PDE3B: variants seen among roughly 807,000 people sequenced by gnomAD.
PDE3B encodes cGMP-inhibited 3',5'-cyclic phosphodiesterase 3B.
In PDE3B, 66 loss-of-function variants were observed where a neutral mutation model predicts 116.8. The ratio of observed to expected loss-of-function variants is 0.56; its 90% CI spans 0.46 to 0.69. PDE3B has a LOEUF of 0.69. Among genes scored for constraint, PDE3B ranks in the 30% least tolerant of loss-of-function variants. PDE3B has a pLI of 0.00. For missense variants in PDE3B, 1,384 were observed against 1,368.1 expected, an observed-to-expected ratio of 1.01 and a Z score of -0.18; for synonymous variants, 595 against 533.6, an observed-to-expected ratio of 1.12 and a Z score of -1.59.
intron 12 of PDE3B, among the ~76,000 whole-genome samples, chr11:14,857,417 T>C (rs1186560604): frequency 6.6e-6 from 1 of 152,256 alleles, no homozygotes; most frequent in South Asian, 2.1e-4. Context: ...TGACATTTGC[T>C]TCCTACTTAC....
At chr11:14,831,957 A>G (rs921185292) in intron 9 of PDE3B, among the ~76,000 whole-genome samples, 180 bp downstream of exon 9, 2 of 152,108 alleles carry the variant, frequency 1.3e-5, no homozygotes, top group Non-Finnish European at 2.9e-5. Flanking sequence ...AGATCATACT[A>G]TTATATATAT....
At chr11:14,692,552 C>G (rs191843250) in intron 1 of PDE3B, among the ~76,000 whole-genome samples, 1 of 151,980 alleles carries the variant, frequency 6.6e-6, no homozygotes, top group Admixed American at 6.6e-5. Flanking sequence ...GTAATTCTTG[C>G]GAAAAATTTT....
At chr11:14,818,442 G>T (rs1312187173) in intron 6 of PDE3B, 49 bp downstream of exon 6, 2 of 1,270,634 alleles carry the variant, frequency 1.6e-6, no homozygotes, top group African/African-American at 2.9e-5. Flanking sequence ...GTTGATTACA[G>T]TTAAGTCCTC....
At chr11:14,880,463 A>C in the PDE3B span, 1 of 1,613,492 alleles carries the variant, frequency 6.2e-7, no homozygotes, top group Non-Finnish European at 8.5e-7. Context: ...AAGAAGACTG[A>C]GGCACTGGCA....
At chr11:14,803,141 G>A (rs1409089640) in intron 4 of PDE3B, among the ~76,000 whole-genome samples, 1 of 152,156 alleles carries the variant, frequency 6.6e-6, no homozygotes, top group Non-Finnish European at 1.5e-5. Context: ...TGTAGTCAGG[G>A]AAATCAAGGC....
At position 14,815,830 on chromosome 11, in the gene PDE3B, A is replaced by T. The variant is rs1337015895; in HGVS notation, c.1523-2353A>T. On this transcript the variant is annotated intron_variant, in intron 5 of 15. Transcript: ENST00000282096. ...AAAAAAACTATACAAATAGCATATA[A>T]ACATGAAATGTGCTTAACCTTATTA... Among the ~76,000 whole-genome samples the T allele has an allele frequency of 2.6e-5, 4 of 152,200 alleles. No homozygotes were observed. In the East Asian group the frequency reaches 7.7e-4, roughly 29 times the overall value.
chr11:14,684,988 C>G (rs1424371764), intron 1 of PDE3B, among the ~76,000 whole-genome samples: 2 of 152,020 alleles, frequency 1.3e-5, no homozygotes, highest in African/African-American at 4.8e-5. Flanking sequence ...ACAGTTAACA[C>G]AATAGTGGTC....
chr11:14,783,849 A>G (rs1858109435), intron 2 of PDE3B, among the ~76,000 whole-genome samples: 1 of 152,236 alleles, frequency 6.6e-6, no homozygotes, highest in African/African-American at 2.4e-5. Context: ...TGCAAGAAAG[A>G]CAAAAGGAAG....
intron 1 of PDE3B, among the ~76,000 whole-genome samples, chr11:14,756,926 A>G (rs1416357710): frequency 2.7e-5 from 4 of 147,410 alleles, no homozygotes; most frequent in Non-Finnish European, 6.0e-5. Flanking sequence ...AGCATTAGGT[A>G]TATCTCCCAA....
intron 1 of PDE3B, chr11:14,673,664 G>T: frequency 1.4e-6 from 1 of 708,672 alleles, no homozygotes. Flanking sequence ...TCTTTGCCAG[G>T]TACTTCAGGA....
At chr11:14,664,153 C>G (rs767807902) in intron 1 of PDE3B, among the ~76,000 whole-genome samples, 3 of 152,172 alleles carry the variant, frequency 2.0e-5, no homozygotes, top group Non-Finnish European at 2.9e-5. Context: ...GAACAACCTG[C>G]TCCTGAACGA....
At chr11:14,667,785 A>G (rs1298806281) in intron 1 of PDE3B, among the ~76,000 whole-genome samples, 1 of 151,556 alleles carries the variant, frequency 6.6e-6, no homozygotes, top group East Asian at 1.9e-4. Flanking sequence ...ACATATATAC[A>G]TATGTAACAA....
At chr11:14,811,066 T>C (rs61877635) in intron 5 of PDE3B, among the ~76,000 whole-genome samples, 3 of 150,688 alleles carry the variant, frequency 2.0e-5, no homozygotes, top group African/African-American at 2.4e-5. Context: ...TTCTGGATAT[T>C]AGCCCTTTGT....
At chr11:14,740,870 T>G (rs1186685430) in intron 1 of PDE3B, among the ~76,000 whole-genome samples, 1 of 152,238 alleles carries the variant, frequency 6.6e-6, no homozygotes, top group African/African-American at 2.4e-5. Context: ...ACAGTAGTCA[T>G]TCAGGAGCAG....
intron 1 of PDE3B, among the ~76,000 whole-genome samples, chr11:14,728,753 T>C (rs998044848): frequency 6.6e-6 from 1 of 152,120 alleles, no homozygotes. Flanking sequence ...GATAGAATTA[T>C]GATATTTAAA....
At chr11:14,874,010 T>C (rs1555009427), downstream of PDE3B, among the ~76,000 whole-genome samples, 1 of 152,168 alleles carries the variant, frequency 6.6e-6, no homozygotes, top group Non-Finnish European at 1.5e-5. Context: ...AACATGGCTC[T>C]CAGTATTAAG....
At chr11:14,835,173 C>G in intron 11 of PDE3B, 78 bp downstream of exon 11, 3 of 899,458 alleles carry the variant, frequency 3.3e-6, no homozygotes, top group Non-Finnish European at 5.1e-6. Context: ...TACCTCTGTT[C>G]TTTTAAGTTT....
In PDE3B at chr11:14,859,017, C is replaced by T. The variant is rs782673106; in HGVS notation, c.2521-26C>T. Reference sequence around the variant, plus strand: ...AACTTTAATATCTTTGAGGTGTCTGCCTCATTTTTCTATATTTCTTTTTAG... The same window carrying T: ...AACTTTAATATCTTTGAGGTGTCTGTCTCATTTTTCTATATTTCTTTTTAG... On this transcript the variant is annotated intron_variant, in intron 12 of 15. Coordinates refer to ENST00000282096, the MANE Select transcript of PDE3B (RefSeq NM_000922.4). 5 of 1,472,426 alleles carry T rather than the reference C, an allele frequency of 3.4e-6. No homozygotes were observed. The Admixed American group carries it at 5.2e-5, about 15-fold the overall frequency. 91.2% of individuals were successfully genotyped at this position (1,472,426 alleles called of 1,614,324 possible).
At chr11:14,685,446 C>CTTTTTTTT (rs71044017) in intron 1 of PDE3B, among the ~76,000 whole-genome samples, 1 of 86,310 alleles carries the variant, frequency 1.2e-5, no homozygotes, top group African/African-American at 3.6e-5. Context: ...TTTTTCTCAT[C>CTTTTTTTT]TTTTTTTTTT....
Sources: allele counts gnomAD v4.1 joint callset (sites outside exome capture counted in the v4.1 genomes callset), GRCh38; gene constraint gnomAD v4.1.1; transcripts MANE v1.5; gene names NCBI Gene and HGNC (gene_info 2026-07-23, HGNC 2026-07-21).